ADAMTS6: variants seen among roughly 807,000 people sequenced by gnomAD.
ADAMTS6 encodes ADAM metallopeptidase with thrombospondin type 1 motif 6.
A neutral mutation model predicts 144.3 loss-of-function variants in ADAMTS6; 23 were observed. The ratio of observed to expected loss-of-function variants is 0.16; its 90% CI spans 0.11 to 0.23. The LOEUF is 0.23. Among genes scored for constraint, ADAMTS6 ranks in the 10% least tolerant of loss-of-function variants. The pLI, the probability that ADAMTS6 is intolerant of heterozygous loss-of-function variation, is 1.00. For synonymous variants in ADAMTS6, 444 were observed against 457.5 expected (o/e 0.97, Z 0.38); for missense variants, 999 against 1,379.6 (o/e 0.72, Z 4.37).
intron 10 of ADAMTS6, among the ~76,000 whole-genome samples, chr5:65,297,782 AG>A (rs1212059647): frequency 3.9e-5 from 6 of 152,160 alleles, no homozygotes; most frequent in African/African-American, 1.4e-4. Context: ...GATTATAATC[AG>A]ATTTGTTTAG....
At chr5:65,331,699 T>C (rs111795356) in intron 8 of ADAMTS6, among the ~76,000 whole-genome samples, 23 of 151,970 alleles carry the variant, frequency 1.5e-4, no homozygotes, top group African/African-American at 5.3e-4. Context: ...ATGTTACAAT[T>C]GGTCATCAGA....
chr5:65,204,361 A>G (rs767623191), intron 20 of ADAMTS6, among the ~76,000 whole-genome samples: 4 of 152,252 alleles, frequency 2.6e-5, no homozygotes, highest in Admixed American at 6.5e-5. Context: ...ACCAACCACG[A>G]ACATGAGTTT....
At chr5:65,278,616 T>C (rs748638521) in intron 11 of ADAMTS6, among the ~76,000 whole-genome samples, 2 of 152,214 alleles carry the variant, frequency 1.3e-5, no homozygotes, top group Non-Finnish European at 2.9e-5. Context: ...CAAGACTTGA[T>C]AGTCAATGTT....
At chr5:65,286,965 G>T (rs1172460162) in intron 11 of ADAMTS6, among the ~76,000 whole-genome samples, 2 of 152,162 alleles carry the variant, frequency 1.3e-5, no homozygotes, top group Non-Finnish European at 2.9e-5. Flanking sequence ...AGTTTTACAG[G>T]AAAGAGCTTA....
intron 7 of ADAMTS6, among the ~76,000 whole-genome samples, chr5:65,370,035 A>G (rs982063570): frequency 6.6e-6 from 1 of 152,188 alleles, no homozygotes; most frequent in Non-Finnish European, 1.5e-5. Flanking sequence ...ATGGAAACCA[A>G]ATGAACAGTA....
At chr5:65,465,693 T>C (rs1323357403) in intron 3 of ADAMTS6, among the ~76,000 whole-genome samples, 1 of 152,212 alleles carries the variant, frequency 6.6e-6, no homozygotes, top group Non-Finnish European at 1.5e-5. Context: ...TCAATGCAAT[T>C]TGCAGTGCTA....
intron 10 of ADAMTS6, among the ~76,000 whole-genome samples, chr5:65,298,537 A>T (rs1306702032): frequency 6.6e-6 from 1 of 152,132 alleles, no homozygotes; most frequent in Non-Finnish European, 1.5e-5. Flanking sequence ...CATCTTAGAA[A>T]ATGATATTGC....
intron 15 of ADAMTS6, among the ~76,000 whole-genome samples, chr5:65,241,049 A>G (rs1490809845): frequency 1.3e-5 from 2 of 152,126 alleles, no homozygotes; most frequent in African/African-American, 4.8e-5. Context: ...AAATACATCA[A>G]AAAGTACGAT....
At chr5:65,159,633 G>A (rs908379858) in intron 24 of ADAMTS6, among the ~76,000 whole-genome samples, 3 of 152,138 alleles carry the variant, frequency 2.0e-5, no homozygotes, top group Non-Finnish European at 4.4e-5. Context: ...TGCACTCATG[G>A]TCACTTCTTG....
intron 11 of ADAMTS6, among the ~76,000 whole-genome samples, chr5:65,276,693 C>A (rs557926356): frequency 1.3e-5 from 2 of 152,238 alleles, no homozygotes; most frequent in African/African-American, 4.8e-5. Flanking sequence ...ATATTAGTTG[C>A]TGAATAAGCA....
intron 7 of ADAMTS6, among the ~76,000 whole-genome samples, chr5:65,390,968 T>G (rs1261201451): frequency 6.7e-5 from 10 of 149,188 alleles, no homozygotes; most frequent in African/African-American, 2.0e-4. Context: ...TTTTTTTTTT[T>G]GAAAGGTTCT....
intron 24 of ADAMTS6, among the ~76,000 whole-genome samples, chr5:65,163,569 G>C (rs903536060): frequency 6.6e-6 from 1 of 152,180 alleles, no homozygotes; most frequent in Admixed American, 6.5e-5. Flanking sequence ...TAAATAGTGA[G>C]TATTATTTTT....
At chr5:65,188,556 A>G (rs1210307330) in intron 21 of ADAMTS6, among the ~76,000 whole-genome samples, 2 of 152,330 alleles carry the variant, frequency 1.3e-5, no homozygotes, top group African/African-American at 4.8e-5. Context: ...TCATATATAT[A>G]AAGCTCCCAG....
chr5:65,369,321 A>G (rs1333545281), intron 7 of ADAMTS6, among the ~76,000 whole-genome samples: 1 of 152,224 alleles, frequency 6.6e-6, no homozygotes, highest in Non-Finnish European at 1.5e-5. Flanking sequence ...AGAGCTGGCT[A>G]GGGCAGAGTA....
chr5:65,268,720 AT>A (rs1761827409), intron 12 of ADAMTS6, among the ~76,000 whole-genome samples: 1 of 152,092 alleles, frequency 6.6e-6, no homozygotes, highest in Non-Finnish European at 1.5e-5. Context: ...TCAGTTTTTA[AT>A]TTTTTGGCCA....
intron 11 of ADAMTS6, 90 bp downstream of exon 11, chr5:65,291,239 G>C: frequency 6.9e-7 from 1 of 1,450,482 alleles, no homozygotes; most frequent in Non-Finnish European, 9.3e-7. Context: ...ATTACTAGAG[G>C]GAACCGACAT....
chr5:65,340,537 G>T (rs1400410560), intron 7 of ADAMTS6, among the ~76,000 whole-genome samples: 1 of 152,002 alleles, frequency 6.6e-6, no homozygotes, highest in Non-Finnish European at 1.5e-5. Context: ...CAATAAGAGA[G>T]GAAGGAAGGA....
intron 7 of ADAMTS6, chr5:65,415,741 A>G (rs779712405): frequency 1.3e-5 from 3 of 236,030 alleles, no homozygotes; most frequent in Non-Finnish European, 2.5e-5. Context: ...TGGGGACTAT[A>G]ATGGCCAGGT....
At chr5:65,378,005 C>CT (rs1019481119) in intron 7 of ADAMTS6, among the ~76,000 whole-genome samples, 1 of 151,044 alleles carries the variant, frequency 6.6e-6, no homozygotes, top group African/African-American at 2.4e-5. Context: ...ATGTTTGTCT[C>CT]TGTCTCTGTA....
Sources: gnomAD v4.1 joint callset for allele counts (sites outside exome capture counted in the v4.1 genomes callset) on GRCh38, gnomAD v4.1.1 for gene constraint, MANE v1.5 for transcripts, NCBI Gene and HGNC (gene_info 2026-07-23, HGNC 2026-07-21) for gene names.